Variants in MEI4 observed in about 807,000 individuals in gnomAD.
MEI4 encodes meiosis-specific protein MEI4.
Under a neutral mutation model 31.4 loss-of-function variants are expected in MEI4, and 27 were observed. The observed-to-expected ratio is 0.86, with a 90% CI of 0.63 to 1.19. The LOEUF (loss-of-function observed/expected upper bound fraction) is 1.19, where lower values mean the gene tolerates loss of function less well. Among genes scored for constraint, MEI4 ranks in the 50% most tolerant of loss-of-function variants. MEI4 has a pLI of 0.00. For synonymous variants in MEI4, 122 were observed against 145.4 expected, an observed-to-expected ratio of 0.84 and a Z score of 1.16; for missense variants, 329 against 398.9, an observed-to-expected ratio of 0.82 and a Z score of 1.49.
intron 4 of MEI4, among the ~76,000 whole-genome samples, chr6:77,902,669 C>A (rs1766208927): frequency 6.6e-6 from 1 of 152,034 alleles, no homozygotes; most frequent in South Asian, 2.1e-4. Flanking sequence ...CAAAGTCACC[C>A]CTCTGCTCAC....
intron 4 of MEI4, among the ~76,000 whole-genome samples, chr6:77,894,818 C>T (rs1469877522): frequency 6.6e-6 from 1 of 152,178 alleles, no homozygotes; most frequent in Non-Finnish European, 1.5e-5. Flanking sequence ...TAGCCTGTGG[C>T]TTTTGCCTGG....
intron 2 of MEI4, among the ~76,000 whole-genome samples, chr6:77,741,012 CA>C (rs1358686457): frequency 6.6e-6 from 1 of 151,930 alleles, no homozygotes; most frequent in Non-Finnish European, 1.5e-5. Flanking sequence ...ATAGCATAGA[CA>C]GGGGAGATAC....
At chr6:77,733,769 C>T (rs1039350580) in intron 2 of MEI4, among the ~76,000 whole-genome samples, 2 of 151,970 alleles carry the variant, frequency 1.3e-5, no homozygotes, top group Non-Finnish European at 2.9e-5. Flanking sequence ...GCATTTAGTG[C>T]TATAAATTTC....
At chr6:77,758,741 C>T (rs552363274) in intron 2 of MEI4, among the ~76,000 whole-genome samples, 2 of 152,284 alleles carry the variant, frequency 1.3e-5, no homozygotes, top group African/African-American at 2.4e-5. Context: ...CCATGTCTCA[C>T]CTGCCATTCT....
intron 3 of MEI4, among the ~76,000 whole-genome samples, chr6:77,793,212 A>G (rs976166592): frequency 2.6e-5 from 4 of 152,194 alleles, no homozygotes; most frequent in Admixed American, 2.0e-4. Context: ...ATTTCTCAAT[A>G]GAAATTTTAC....
chr6:77,705,069 A>G (rs6942291), intron 2 of MEI4, among the ~76,000 whole-genome samples: 20,958 of 152,170 alleles, frequency 0.14, 1,528 homozygotes, highest in Middle Eastern at 0.21. Flanking sequence ...CCTAGCAACT[A>G]TGTTTGATAC....
intron 3 of MEI4, among the ~76,000 whole-genome samples, chr6:77,784,762 T>C (rs9448215): frequency 0.059 from 9,014 of 152,232 alleles, 798 homozygotes; most frequent in African/African-American, 0.19. Flanking sequence ...GTTGGTTTTT[T>C]AGAATACCAT....
rs575088950 is a variant in MEI4 at position 77,875,547 on chromosome 6, C to G, written c.900+46485C>G. Among the ~76,000 whole-genome samples the G allele has an allele frequency of 5.0e-4, 76 of 152,234 alleles. 3 individuals are homozygous for G. In the South Asian group the frequency reaches 0.016, roughly 31 times the overall value. Reference sequence around the variant, plus strand: ...CCTTGAAATGGATATGTAAACTAGACAGAAAGTAGTTTTAGCTATTGCTAG... The same window carrying G: ...CCTTGAAATGGATATGTAAACTAGAGAGAAAGTAGTTTTAGCTATTGCTAG... On this transcript the variant is annotated intron_variant, in intron 4 of 4. Transcript: ENST00000684080.
chr6:77,774,144 G>A (rs1397182186), intron 3 of MEI4, among the ~76,000 whole-genome samples: 3 of 152,036 alleles, frequency 2.0e-5, no homozygotes, highest in Non-Finnish European at 4.4e-5. Context: ...AAATGATCCA[G>A]GAACCCCACT....
intron 4 of MEI4, 84 bp downstream of exon 4, chr6:77,829,146 C>A: frequency 2.0e-6 from 2 of 1,024,218 alleles, no homozygotes; most frequent in Non-Finnish European, 2.5e-6. Context: ...TTCTTCTCTT[C>A]TTTCCAGGCT....
chr6:77,683,743 T>C (rs1271515136), intron 1 of MEI4, among the ~76,000 whole-genome samples: 1 of 152,214 alleles, frequency 6.6e-6, no homozygotes, highest in Non-Finnish European at 1.5e-5. Flanking sequence ...AAAGACTGAA[T>C]AGCATTTCAT....
chr6:77,709,878 T>C (rs989765966), intron 2 of MEI4, among the ~76,000 whole-genome samples: 5 of 152,232 alleles, frequency 3.3e-5, no homozygotes, highest in Admixed American at 3.3e-4. Flanking sequence ...CTCATGTGTT[T>C]ATTTTTTATT....
intron 3 of MEI4, among the ~76,000 whole-genome samples, chr6:77,789,312 A>T (rs1768845493): frequency 6.6e-6 from 1 of 152,160 alleles, no homozygotes; most frequent in East Asian, 1.9e-4. Context: ...CTAGAAGAAA[A>T]CCTAGGCAAT....
At chr6:77,746,774 A>T (rs888938467) in intron 2 of MEI4, among the ~76,000 whole-genome samples, 2 of 152,004 alleles carry the variant, frequency 1.3e-5, no homozygotes, top group Admixed American at 6.6e-5. Flanking sequence ...TGTGGAGGGT[A>T]AAAGAGAGAA....
intron 2 of MEI4, among the ~76,000 whole-genome samples, chr6:77,695,211 G>A (rs1336878063): frequency 6.6e-6 from 1 of 151,928 alleles, no homozygotes; most frequent in East Asian, 1.9e-4. Flanking sequence ...CATTTTGTAG[G>A]TTGCCTGTTC....
intron 4 of MEI4, among the ~76,000 whole-genome samples, chr6:77,874,316 T>C (rs1771275479): frequency 6.6e-6 from 1 of 152,220 alleles, no homozygotes; most frequent in African/African-American, 2.4e-5. Context: ...GAAGAGTTCC[T>C]TCACATCCCT....
At chr6:77,877,205 T>C (rs1049530248) in intron 4 of MEI4, among the ~76,000 whole-genome samples, 8 of 152,106 alleles carry the variant, frequency 5.3e-5, no homozygotes, top group African/African-American at 1.9e-4. Flanking sequence ...TCACAATTCA[T>C]TCTTACTATT....
chr6:77,863,003 C>A (rs1770908422), intron 4 of MEI4, among the ~76,000 whole-genome samples: 1 of 152,202 alleles, frequency 6.6e-6, no homozygotes, highest in African/African-American at 2.4e-5. Flanking sequence ...AACAGACCTG[C>A]AGCTGAAGGT....
chr6:77,748,908 A>C (rs2127676798), intron 2 of MEI4, among the ~76,000 whole-genome samples: 1 of 152,238 alleles, frequency 6.6e-6, no homozygotes, highest in Admixed American at 6.5e-5. Context: ...CTCTGGGATG[A>C]AGCTTCCAGA....
Sources: gnomAD v4.1 joint callset for allele counts (sites outside exome capture counted in the v4.1 genomes callset) on GRCh38, gnomAD v4.1.1 for gene constraint, MANE v1.5 for transcripts, NCBI Gene and HGNC (gene_info 2026-07-23, HGNC 2026-07-21) for gene names.